CPLX1: variants seen among roughly 807,000 people sequenced by gnomAD.
CPLX1 encodes the protein complexin 1, also known as complexin-1.
CPLX1 carries 6 observed loss-of-function variants against 15.6 expected under a neutral mutation model. The observed-to-expected ratio is 0.39, with a 90% CI of 0.21 to 0.76. The LOEUF is 0.76. Among genes scored for constraint, CPLX1 ranks in the 30% least tolerant of loss-of-function variants. The probability of loss-of-function intolerance (pLI) is 0.43; values close to 1 mark genes in which losing one functional copy is unlikely to be tolerated. For synonymous variants in CPLX1, 91 were observed against 75.2 expected (o/e 1.21, Z -1.08); for missense variants, 242 against 188.6 (o/e 1.28, Z -1.66).
chr4:804,949 C>T (rs1453966893), intron 2 of CPLX1: 2 of 985,298 alleles, frequency 2.0e-6, no homozygotes, highest in Non-Finnish European at 2.4e-6. Flanking sequence ...GGAGTTCACC[C>T]GGCGTCCCAC....
At chr4:803,446 A>G (rs1270371779) in intron 2 of CPLX1, among the ~76,000 whole-genome samples, 4 of 152,130 alleles carry the variant, frequency 2.6e-5, no homozygotes, top group African/African-American at 7.2e-5. Context: ...GCTGGTGTAC[A>G]GTGGCGCCAT....
intron 2 of CPLX1, among the ~76,000 whole-genome samples, chr4:814,094 C>T (rs775486737): frequency 6.6e-5 from 10 of 152,204 alleles, no homozygotes; most frequent in Non-Finnish European, 1.2e-4. Context: ...TCCCGTCCAG[C>T]AGGTGGAACC....
chr4:812,081 A>G (rs575819178), intron 2 of CPLX1, among the ~76,000 whole-genome samples: 1 of 151,536 alleles, frequency 6.6e-6, no homozygotes, highest in East Asian at 1.9e-4. Context: ...TTATATATTT[A>G]TTTATTTATT....
At chr4:808,249 T>C (rs566555112) in intron 2 of CPLX1, among the ~76,000 whole-genome samples, 12 of 151,800 alleles carry the variant, frequency 7.9e-5, no homozygotes, top group African/African-American at 2.9e-4. Flanking sequence ...CATAAATAAA[T>C]AAATAAATAA....
intron 2 of CPLX1, among the ~76,000 whole-genome samples, chr4:822,514 GTC>G (rs1381014135): frequency 6.6e-6 from 1 of 151,882 alleles, no homozygotes; most frequent in Admixed American, 6.6e-5. Flanking sequence ...CTTTTTCTCT[GTC>G]TGTTTCTGGG....
intron 3 of CPLX1, chr4:787,029 G>A: frequency 1.0e-6 from 1 of 985,292 alleles, no homozygotes; most frequent in Non-Finnish European, 1.2e-6. Context: ...CTTCCAGGAA[G>A]CCTCCGGCCC....
chr4:797,269 G>C (rs1746360456), intron 2 of CPLX1, among the ~76,000 whole-genome samples: 1 of 152,186 alleles, frequency 6.6e-6, no homozygotes, highest in Non-Finnish European at 1.5e-5. Flanking sequence ...CTAACAGAAA[G>C]CCCCATGGGA....
chr4:787,309 GTATGCCT>G, intron 3 of CPLX1: 1 of 985,380 alleles, frequency 1.0e-6, no homozygotes, highest in Non-Finnish European at 1.2e-6. Flanking sequence ...CCCTCAGCCA[GTATGCCT>G]GGGCCTCACC....
At chr4:790,712 C>G (rs1197914860) in intron 3 of CPLX1, among the ~76,000 whole-genome samples, 2 of 152,102 alleles carry the variant, frequency 1.3e-5, no homozygotes, top group Non-Finnish European at 2.9e-5. Flanking sequence ...ATACACGGAC[C>G]CACACATAGC....
chr4:787,155 C>G (rs1246540016), intron 3 of CPLX1: 1 of 985,330 alleles, frequency 1.0e-6, no homozygotes, highest in East Asian at 1.1e-4. Context: ...ACTCCCGGGC[C>G]TGGCCAAGGC....
At chr4:787,857 G>T (rs1427226725) in intron 3 of CPLX1, 1 of 985,322 alleles carries the variant, frequency 1.0e-6, no homozygotes, top group East Asian at 1.1e-4. Context: ...GCCTCCTGCT[G>T]CCCAGGAAGG....
At chr4:824,997 G>A (rs376055679) in intron 1 of CPLX1, 1 of 354,916 alleles carries the variant, frequency 2.8e-6, no homozygotes, top group Admixed American at 3.8e-5. Context: ...CGTGGAGAAG[G>A]GTTGGGGGTG....
chr4:787,214 C>T, intron 3 of CPLX1: 1 of 985,398 alleles, frequency 1.0e-6, no homozygotes. Flanking sequence ...TGGCAGGCCG[C>T]TGCAGCTCCG....
chr4:813,279 A>C (rs1746695032), intron 2 of CPLX1, among the ~76,000 whole-genome samples: 1 of 151,950 alleles, frequency 6.6e-6, no homozygotes, highest in South Asian at 2.1e-4. Flanking sequence ...AAAAAAAAAA[A>C]AAAAGAGAAA....
At chr4:804,163 C>T (rs1190065534) in intron 2 of CPLX1, among the ~76,000 whole-genome samples, 1 of 152,194 alleles carries the variant, frequency 6.6e-6, no homozygotes, top group East Asian at 1.9e-4. Context: ...CAGCCACGAA[C>T]GTATTCCCGT....
intron 2 of CPLX1, among the ~76,000 whole-genome samples, chr4:799,982 G>A (rs997648571): frequency 2.6e-5 from 4 of 152,182 alleles, no homozygotes; most frequent in African/African-American, 9.7e-5. Context: ...ACTCGAAGCC[G>A]GTCGTTCAGA....
At position 792,422 on chromosome 4, in the gene CPLX1, C is replaced by A; in HGVS notation, c.207+11G>T. The stretch of plus-strand genomic sequence containing the variant: ...CCGCCTTCCCGCAGGCGGGGCCGGC[C>A]CGGCGCGCACCTTGTCTCGGATGCC... On this transcript the variant is annotated intron_variant, in intron 3 of 3. Transcript: ENST00000304062. 6.5e-7 allele frequency: 1 copy of A among 1,531,140 alleles called. No homozygotes were observed. The highest frequency in any genetic ancestry group is 8.8e-7 in the Non-Finnish European group (1 of 1,140,640). The allele number at this position is 1,531,140 out of a possible 1,614,324, so 94.8% of individuals were successfully genotyped here.
intron 2 of CPLX1, among the ~76,000 whole-genome samples, chr4:802,766 C>A (rs1746482061): frequency 1.3e-5 from 2 of 151,952 alleles, no homozygotes; most frequent in African/African-American, 2.4e-5. Context: ...TGGCCAACAT[C>A]GTGAAACCCC....
At chr4:819,791 G>T (rs1746827582) in intron 2 of CPLX1, among the ~76,000 whole-genome samples, 1 of 152,226 alleles carries the variant, frequency 6.6e-6, no homozygotes, top group Admixed American at 6.5e-5. Flanking sequence ...AGATGAAGGG[G>T]TTGCCCCTTA....
Sources: gnomAD v4.1 joint callset for allele counts (sites outside exome capture counted in the v4.1 genomes callset) on GRCh38, gnomAD v4.1.1 for gene constraint, MANE v1.5 for transcripts, NCBI Gene and HGNC (gene_info 2026-07-23, HGNC 2026-07-21) for gene names.